The following KCNN2 variants were observed in gnomAD, a reference collection of about 807,000 sequenced individuals.
The protein encoded by KCNN2 is potassium calcium-activated channel subfamily N member 2, also known as small conductance calcium-activated potassium channel protein 2.
A neutral mutation model predicts 55.5 loss-of-function variants in KCNN2; 24 were observed. That is an observed-to-expected ratio of 0.43 (90% CI 0.31 to 0.61). KCNN2 has a LOEUF of 0.61. KCNN2 is among the 20% of genes least tolerant of loss of function. The pLI, the probability that KCNN2 is intolerant of heterozygous loss-of-function variation, is 0.08. For synonymous variants in KCNN2, 431 were observed against 336.1 expected, an observed-to-expected ratio of 1.28 and a Z score of -3.09; for missense variants, 754 against 853.6, an observed-to-expected ratio of 0.88 and a Z score of 1.45.
chr5:114,079,526 C>G (rs1750756774), intron 1 of KCNN2, among the ~76,000 whole-genome samples: 1 of 152,096 alleles, frequency 6.6e-6, no homozygotes, highest in African/African-American at 2.4e-5. Flanking sequence ...CCTTAGCTGT[C>G]TATTCACTCT....
chr5:114,247,667 C>T (rs554493737), intron 2 of KCNN2, among the ~76,000 whole-genome samples: 4 of 152,290 alleles, frequency 2.6e-5, no homozygotes, highest in African/African-American at 7.2e-5. Flanking sequence ...TCACGTACCC[C>T]GTTCCATGAT....
At chr5:114,066,549 A>C (rs920156840) in intron 1 of KCNN2, among the ~76,000 whole-genome samples, 1 of 152,246 alleles carries the variant, frequency 6.6e-6, no homozygotes, top group African/African-American at 2.4e-5. Flanking sequence ...ACCAGCTTCC[A>C]GCTGAAAGAT....
chr5:114,384,778 A>G (rs1377450918), intron 2 of KCNN2, among the ~76,000 whole-genome samples: 3 of 152,134 alleles, frequency 2.0e-5, no homozygotes, highest in African/African-American at 7.2e-5. Context: ...TAGGCCACAG[A>G]AGGGCTGCAC....
At chr5:114,280,344 C>T (rs1021228790) in intron 2 of KCNN2, among the ~76,000 whole-genome samples, 16 of 152,174 alleles carry the variant, frequency 1.1e-4, no homozygotes, top group Non-Finnish European at 2.1e-4. Flanking sequence ...GTTGCCATTG[C>T]ATTTGGTGTT....
chr5:114,069,077 T>G (rs927507119), intron 1 of KCNN2, among the ~76,000 whole-genome samples: 2 of 152,082 alleles, frequency 1.3e-5, no homozygotes, highest in African/African-American at 4.8e-5. Flanking sequence ...GGCCTCCCAA[T>G]GTGCTGGGAT....
intron 1 of KCNN2, among the ~76,000 whole-genome samples, chr5:114,090,346 C>T (rs1751111919): frequency 6.6e-6 from 1 of 151,986 alleles, no homozygotes; most frequent in Non-Finnish European, 1.5e-5. Context: ...CTAAAACGTC[C>T]AGAAGAAAGA....
At chr5:114,254,271 C>G (rs1020699265) in intron 2 of KCNN2, among the ~76,000 whole-genome samples, 3 of 151,850 alleles carry the variant, frequency 2.0e-5, no homozygotes, top group Non-Finnish European at 4.4e-5. Flanking sequence ...AAAAAATAAG[C>G]AAATGTATTA....
intron 2 of KCNN2, among the ~76,000 whole-genome samples, chr5:114,401,963 T>G (rs531834386): frequency 6.6e-6 from 1 of 152,128 alleles, no homozygotes; most frequent in African/African-American, 2.4e-5. Context: ...AAAAAGGTCA[T>G]TAGACAATGG....
At chr5:114,483,844 G>A (rs1762338198) in intron 5 of KCNN2, among the ~76,000 whole-genome samples, 2 of 151,522 alleles carry the variant, frequency 1.3e-5, no homozygotes, top group South Asian at 4.2e-4. Context: ...CCTGTTTATT[G>A]GCCATAGAAT....
At chr5:114,143,796 T>G (rs546104405) in intron 1 of KCNN2, among the ~76,000 whole-genome samples, 35 of 152,346 alleles carry the variant, frequency 2.3e-4, no homozygotes, top group African/African-American at 8.2e-4. Context: ...TCTTTTATTC[T>G]GTAGTAGCAA....
At chr5:114,281,823 C>G (rs1366332270) in intron 2 of KCNN2, among the ~76,000 whole-genome samples, 1 of 151,916 alleles carries the variant, frequency 6.6e-6, no homozygotes, top group Non-Finnish European at 1.5e-5. Flanking sequence ...GTAACTGGAT[C>G]TGGTGTCTAT....
intron 1 of KCNN2, among the ~76,000 whole-genome samples, chr5:114,193,595 G>T (rs76953061): frequency 0.014 from 2,190 of 152,216 alleles, 46 homozygotes; most frequent in African/African-American, 0.049. Context: ...AACCAAAGCT[G>T]TAACCAAGGA....
intron 2 of KCNN2, among the ~76,000 whole-genome samples, chr5:114,379,078 G>A (rs337696): frequency 3.3e-5 from 5 of 151,926 alleles, no homozygotes; most frequent in African/African-American, 9.7e-5. Context: ...CCTCAGGGCC[G>A]CAGCTCAGCA....
chr5:114,363,559 G>A (rs201697357), intron 1 of KCNN2, among the ~76,000 whole-genome samples: 2 of 152,174 alleles, frequency 1.3e-5, no homozygotes, highest in East Asian at 3.9e-4. Flanking sequence ...TCATCCCCTC[G>A]TGAATTATGT....
At chr5:114,398,285 C>T (rs917097988) in intron 2 of KCNN2, among the ~76,000 whole-genome samples, 1 of 152,036 alleles carries the variant, frequency 6.6e-6, no homozygotes, top group Non-Finnish European at 1.5e-5. Context: ...TCAAATAGGG[C>T]GTCCTTTCTT....
chr5:114,168,342 A>C (rs1752962452), intron 1 of KCNN2, among the ~76,000 whole-genome samples: 1 of 152,058 alleles, frequency 6.6e-6, no homozygotes, highest in African/African-American at 2.4e-5. Context: ...TCTTTAATTA[A>C]ATACTTCAAA....
intron 2 of KCNN2, among the ~76,000 whole-genome samples, chr5:114,309,924 A>G (rs1756363308): frequency 6.6e-6 from 1 of 152,182 alleles, no homozygotes; most frequent in African/African-American, 2.4e-5. Context: ...TGGAATGGCA[A>G]CAGGTGGAGA....
At chr5:114,292,155 G>A (rs1427668118) in intron 2 of KCNN2, among the ~76,000 whole-genome samples, 1 of 152,182 alleles carries the variant, frequency 6.6e-6, no homozygotes, top group Admixed American at 6.5e-5. Context: ...TGTTCACTCT[G>A]ATGGCAGTTT....
rs1294424909 is a variant in KCNN2, at chr5:114,257,564, T to C, written c.-185+35999T>C. Reference sequence around the variant, plus strand: ...TTTGTAGTTTTCCTTGTAGAGATCTTTCACCTCATTGGATAAGTGTATTCC... The same window carrying C: ...TTTGTAGTTTTCCTTGTAGAGATCTCTCACCTCATTGGATAAGTGTATTCC... On this transcript the variant is annotated intron_variant, in intron 2 of 10. Transcript: ENST00000512097. 2.0e-5 allele frequency among the ~76,000 whole-genome samples: 3 copies of C among 152,310 alleles called. No individual in the cohort carries two copies. The South Asian group carries it at 6.2e-4, about 32-fold the overall frequency.
Sources: allele counts gnomAD v4.1 joint callset (sites outside exome capture counted in the v4.1 genomes callset), GRCh38; gene constraint gnomAD v4.1.1; transcripts MANE v1.5; gene names NCBI Gene and HGNC (gene_info 2026-07-23, HGNC 2026-07-21).